Variants in C3orf20 observed in about 807,000 individuals in gnomAD.
C3orf20 encodes the protein family with sequence similarity 149 member C, also known as uncharacterized protein C3orf20.
A neutral mutation model predicts 88.3 loss-of-function variants in C3orf20; 76 were observed. The ratio of observed to expected loss-of-function variants is 0.86; its 90% confidence interval spans 0.72 to 1.04. The LOEUF is 1.04. Among genes scored for constraint, C3orf20 ranks in the 50% least tolerant of loss-of-function variants. C3orf20 has a pLI of 0.00. For missense variants in C3orf20, 1,056 were observed against 1,123.3 expected (o/e 0.94, Z 0.86); for synonymous variants, 436 against 437.4 (o/e 1.00, Z 0.04).
chr3:14,695,333 A>G (rs1180550477), intron 5 of C3orf20, among the ~76,000 whole-genome samples: 1 of 150,638 alleles, frequency 6.6e-6, no homozygotes, highest in Non-Finnish European at 1.5e-5. Flanking sequence ...GTTTTATTCC[A>G]TTGTGGTCAG....
At chr3:14,738,213 G>C (rs149704819) in intron 12 of C3orf20, among the ~76,000 whole-genome samples, 8 of 145,828 alleles carry the variant, frequency 5.5e-5, no homozygotes, top group African/African-American at 1.3e-4. Flanking sequence ...TGTCACCCAG[G>C]CTGGAGTACA....
chr3:14,683,875 C>CAA lies in C3orf20; in HGVS notation c.485-348_485-347dup, dbSNP rs966127219. ...TGGGTGATAGAGCGAGACTCCATCT[C>CAA]AAAAAAAAAAAAAAAAAAAAGAACC... On this transcript the variant is annotated intron_variant, in intron 3 of 16. Coordinates refer to ENST00000253697, the MANE Select transcript of C3orf20 (RefSeq NM_032137.5). 8.7e-3 allele frequency among the ~76,000 whole-genome samples: 722 copies of CAA among 83,008 alleles called. 15 individuals are homozygous for CAA. The highest frequency in any genetic ancestry group is 9.6e-3 in the Non-Finnish European group (410 of 42,654). 54.5% of individuals were successfully genotyped at this position (83,008 alleles called of 152,430 possible).
chr3:14,750,763 T>C (rs1408417006), intron 12 of C3orf20, among the ~76,000 whole-genome samples: 1 of 152,202 alleles, frequency 6.6e-6, no homozygotes, highest in African/African-American at 2.4e-5. Context: ...TTTATGATAA[T>C]GTGTATCAAT....
chr3:14,734,590 C>G (rs1460324222), intron 12 of C3orf20, among the ~76,000 whole-genome samples: 1 of 152,036 alleles, frequency 6.6e-6, no homozygotes, highest in South Asian at 2.1e-4. Flanking sequence ...TTTGCTTAGA[C>G]TTGTTTTATG....
At chr3:14,757,981 G>T (rs751180451) in intron 13 of C3orf20, among the ~76,000 whole-genome samples, 1 of 152,194 alleles carries the variant, frequency 6.6e-6, no homozygotes, top group South Asian at 2.1e-4. Context: ...GTGACTGCTT[G>T]TTGGTGTGAA....
chr3:14,767,938 A>C (rs2035761219), intron 15 of C3orf20, among the ~76,000 whole-genome samples: 1 of 152,240 alleles, frequency 6.6e-6, no homozygotes, highest in African/African-American at 2.4e-5. Context: ...GCACGGTATA[A>C]ACCGTCAAGG....
At chr3:14,696,460 G>A (rs1435116844) in intron 5 of C3orf20, among the ~76,000 whole-genome samples, 2 of 151,310 alleles carry the variant, frequency 1.3e-5, no homozygotes, top group South Asian at 2.1e-4. Flanking sequence ...GGCACGTCTC[G>A]GCTGACTGCA....
intron 4 of C3orf20, among the ~76,000 whole-genome samples, chr3:14,685,635 G>C (rs902234516): frequency 6.6e-6 from 1 of 151,950 alleles, no homozygotes; most frequent in African/African-American, 2.4e-5. Context: ...ATAAGTGAAA[G>C]TTTGTACCCT....
At chr3:14,743,925 T>A (rs1006233113) in intron 12 of C3orf20, among the ~76,000 whole-genome samples, 1 of 152,018 alleles carries the variant, frequency 6.6e-6, no homozygotes, top group Non-Finnish European at 1.5e-5. Context: ...TTTTTCCTCC[T>A]GGGCCTCCAG....
Position 14,715,388 on chromosome 3 carries a change from C to G in C3orf20, c.1413C>G (p.Thr471=), listed in dbSNP as rs1368540632. 1 of 1,611,528 alleles carries G rather than the reference C, an allele frequency of 6.2e-7. No individual in the cohort carries two copies. Among genetic ancestry groups the G allele is most frequent in the African/African-American group, 1.3e-5 (1 of 74,874 alleles). The change falls in exon 9 of 17, where the codon ACC becomes ACG. Residue 471 remains threonine (T), a synonymous_variant. Coordinates refer to ENST00000253697, the MANE Select transcript of C3orf20 (RefSeq NM_032137.5). Reference sequence around the variant, plus strand: ...GGAGCTGGACTTCCAGGACAGAGACCCTGCTTTCCCTGGAATACAAGGTAG... The same window carrying G: ...GGAGCTGGACTTCCAGGACAGAGACGCTGCTTTCCCTGGAATACAAGGTAG... ...HKWSWTSRTE[T]LLSLEYKVNE... is the part of the protein sequence containing the mutation.
At chr3:14,714,356 A>G (rs1031553699) in intron 8 of C3orf20, among the ~76,000 whole-genome samples, 197 bp downstream of exon 8, 2 of 152,128 alleles carry the variant, frequency 1.3e-5, no homozygotes, top group Non-Finnish European at 2.9e-5. Flanking sequence ...TCCTTGCTGT[A>G]TCTATGTCAC....
chr3:14,700,652 A>C (rs1187002346), intron 5 of C3orf20, among the ~76,000 whole-genome samples: 2 of 152,196 alleles, frequency 1.3e-5, no homozygotes, highest in Non-Finnish European at 2.9e-5. Flanking sequence ...GTGATGCTGC[A>C]TTATAGGGTC....
Position 14,728,691 on chromosome 3 carries a change from T to A in C3orf20, c.1940+3T>A. The stretch of plus-strand genomic sequence containing the variant: ...ACCAAAGCCAAGGTCACATCCAGGT[T>A]GGCTTGGTCCTTCACGTCTTCCGCA... On this transcript the variant is annotated splice_donor_region_variant and intron_variant, in intron 12 of 16. Coordinates refer to ENST00000253697, the MANE Select transcript of C3orf20 (RefSeq NM_032137.5). 1 of 1,612,846 alleles carries A rather than the reference T, an allele frequency of 6.2e-7. No homozygotes were observed. The highest frequency in any genetic ancestry group is 8.5e-7 in the Non-Finnish European group (1 of 1,179,854).
rs961320520 is a variant in C3orf20, at chr3:14,691,649, C to T, written c.745+1533C>T. ...AATTTTAAATTTTTGTGGGGATAGT[C>T]GGTATATATGTTTATGGGTTATGTG... On this transcript the variant is annotated intron_variant, in intron 5 of 16. Coordinates refer to ENST00000253697, the MANE Select transcript of C3orf20 (RefSeq NM_032137.5). 3.3e-5 allele frequency among the ~76,000 whole-genome samples: 5 copies of T among 152,000 alleles called. No homozygotes were observed. In the East Asian group the frequency reaches 7.7e-4, roughly 24 times the overall value.
chr3:14,721,571 T>G, intron 9 of C3orf20, 82 bp from the exon 10 acceptor site: 1 of 1,559,878 alleles, frequency 6.4e-7, no homozygotes, highest in Non-Finnish European at 8.7e-7. Flanking sequence ...CAACAGGGGC[T>G]TTGTGCTTCG....
chr3:14,703,344 T>A, intron 6 of C3orf20, 82 bp downstream of exon 6: 3 of 1,589,000 alleles, frequency 1.9e-6, no homozygotes, highest in Non-Finnish European at 1.7e-6. Flanking sequence ...TGTGTATATG[T>A]GAGTGGACAG....
At chr3:14,696,126 T>C (rs1282285555) in intron 5 of C3orf20, among the ~76,000 whole-genome samples, 1 of 151,318 alleles carries the variant, frequency 6.6e-6, no homozygotes, top group Non-Finnish European at 1.5e-5. Flanking sequence ...CTTGTTTTTT[T>C]TTTTTATTTT....
At chr3:14,741,132 G>A (rs1343460869) in intron 12 of C3orf20, among the ~76,000 whole-genome samples, 1 of 152,180 alleles carries the variant, frequency 6.6e-6, no homozygotes, top group African/African-American at 2.4e-5. Context: ...CGAGTAGGCT[G>A]GGGGCAGATG....
chr3:14,709,647 G>A (rs574231008), intron 7 of C3orf20, among the ~76,000 whole-genome samples: 14 of 152,020 alleles, frequency 9.2e-5, no homozygotes, highest in Middle Eastern at 3.4e-3. Context: ...CCCAACCCCC[G>A]CCATTCTATT....
Sources: allele counts gnomAD v4.1 joint callset (sites outside exome capture counted in the v4.1 genomes callset), GRCh38; gene constraint gnomAD v4.1.1; transcripts MANE v1.5; gene names NCBI Gene and HGNC (gene_info 2026-07-23, HGNC 2026-07-21).